Variants in CEP128 observed in about 807,000 individuals in gnomAD.
CEP128 encodes centrosomal protein 128kDa.
A neutral mutation model predicts 156.7 loss-of-function variants in CEP128; 132 were observed. That is an observed-to-expected ratio of 0.84 (90% CI 0.73 to 0.97). The LOEUF (loss-of-function observed/expected upper bound fraction) is 0.97, where lower values mean the gene tolerates loss of function less well. Among genes scored for constraint, CEP128 ranks in the 50% least tolerant of loss-of-function variants. The pLI is 0.00. For synonymous variants in CEP128, 469 were observed against 448.9 expected (o/e 1.04, Z -0.57); for missense variants, 1,252 against 1,281.9 (o/e 0.98, Z 0.36).
intron 19 of CEP128, among the ~76,000 whole-genome samples, chr14:80,712,148 T>C (rs182947226): frequency 1.3e-5 from 2 of 152,170 alleles, no homozygotes; most frequent in East Asian, 1.9e-4. Flanking sequence ...ATATGAACAC[T>C]AATGTTCGGA....
intron 21 of CEP128, among the ~76,000 whole-genome samples, chr14:80,555,858 G>A (rs1427154226): frequency 6.6e-6 from 1 of 151,966 alleles, no homozygotes; most frequent in African/African-American, 2.4e-5. Context: ...CTTCAAAATA[G>A]CTTCTGAAAA....
chr14:80,507,134 G>A lies in CEP128; in HGVS notation c.3073-2114C>T, dbSNP rs75024856. Among the ~76,000 whole-genome samples, 73 of 151,828 alleles carry A rather than the reference G, an allele frequency of 4.8e-4. No homozygotes were observed. In the East Asian group the frequency reaches 7.3e-3, roughly 15 times the overall value. ...GCCTCCCCAAAGCCAAGCAGATGCC[G>A]GTATCATGCCTGTATAGCCTGCAGA... On this transcript the variant is annotated intron_variant, in intron 23 of 24. Coordinates refer to ENST00000555265, the MANE Select transcript of CEP128 (RefSeq NM_152446.5).
chr14:80,898,615 CATGTTCCCAGTGCTTAATGT>C (rs1889454931), intron 7 of CEP128, among the ~76,000 whole-genome samples: 1 of 152,174 alleles, frequency 6.6e-6, no homozygotes, highest in Non-Finnish European at 1.5e-5. Flanking sequence ...CCCTATAACT[CATGTTCCCAGTGCTTAATGT>C]ATACCCTTCC....
chr14:80,815,030 C>A (rs888188754), intron 13 of CEP128, among the ~76,000 whole-genome samples: 1 of 152,166 alleles, frequency 6.6e-6, no homozygotes, highest in African/African-American at 2.4e-5. Flanking sequence ...TGCACTCCAG[C>A]CTTGGCAACA....
intron 9 of CEP128, among the ~76,000 whole-genome samples, chr14:80,857,645 G>T (rs1887256152): frequency 6.6e-6 from 1 of 151,634 alleles, no homozygotes; most frequent in Non-Finnish European, 1.5e-5. Context: ...GGAGGCTGAG[G>T]TGGCAGAATC....
intron 19 of CEP128, among the ~76,000 whole-genome samples, chr14:80,616,526 G>T (rs79842764): frequency 5.9e-5 from 6 of 101,698 alleles, no homozygotes; most frequent in African/African-American, 2.1e-4. Flanking sequence ...AAATTCAACT[G>T]TTTTTTTTGA....
intron 13 of CEP128, among the ~76,000 whole-genome samples, chr14:80,823,803 G>A (rs1040449661): frequency 2.0e-5 from 3 of 152,200 alleles, no homozygotes; most frequent in African/African-American, 2.4e-5. Flanking sequence ...AGTGCAAGCT[G>A]TTCATGGATC....
At chr14:80,679,517 G>C (rs1163562833) in intron 19 of CEP128, among the ~76,000 whole-genome samples, 1 of 152,110 alleles carries the variant, frequency 6.6e-6, no homozygotes, top group East Asian at 1.9e-4. Context: ...GGCTTACTAG[G>C]GTGGGGAAAA....
chr14:80,883,401 G>T (rs1286120699), intron 8 of CEP128, among the ~76,000 whole-genome samples: 1 of 151,438 alleles, frequency 6.6e-6, no homozygotes, highest in Non-Finnish European at 1.5e-5. Flanking sequence ...AAAGTTGCAG[G>T]ATACAAAATC....
intron 9 of CEP128, among the ~76,000 whole-genome samples, chr14:80,851,356 G>A (rs147078646): frequency 1.8e-4 from 27 of 152,248 alleles, no homozygotes; most frequent in Middle Eastern, 3.4e-3. Context: ...TGGAACTGAA[G>A]GGGCGATTTT....
At position 80,526,856 on chromosome 14, in the gene CEP128, T is replaced by C. The variant is rs756756439; in HGVS notation, c.3072+13A>G. 1.1e-5 allele frequency: 16 copies of C among 1,459,222 alleles called. 1 individual carries two copies. The South Asian group carries it at 1.9e-4, about 17-fold the overall frequency. 90.4% of individuals were successfully genotyped at this position (1,459,222 alleles called of 1,614,324 possible). A position where few individuals can be genotyped will look rare whatever the true frequency, so the allele number is the denominator to read the frequency against. ...ACTACTTAAAGACTAAAAAAGTATA[T>C]AAAGAAAATTACTTTGAAACTTTTG... On this transcript the variant is annotated intron_variant, in intron 23 of 24. Transcript: ENST00000555265.
chr14:80,681,639 T>C (rs1273944839), intron 19 of CEP128, among the ~76,000 whole-genome samples: 1 of 152,200 alleles, frequency 6.6e-6, no homozygotes, highest in Non-Finnish European at 1.5e-5. Context: ...AGCATTGTCA[T>C]TTCCTCTTCT....
intron 8 of CEP128, among the ~76,000 whole-genome samples, chr14:80,865,789 G>GA (rs934974086): frequency 1.1e-4 from 17 of 152,094 alleles, no homozygotes; most frequent in African/African-American, 3.6e-4. Flanking sequence ...ACATGTCAAA[G>GA]AAACAAAAGA....
At chr14:80,709,911 G>A (rs986983909) in intron 19 of CEP128, among the ~76,000 whole-genome samples, 1 of 151,254 alleles carries the variant, frequency 6.6e-6, no homozygotes, top group African/African-American at 2.4e-5. Context: ...TGGCAAATGA[G>A]TAAATTATTG....
intron 13 of CEP128, among the ~76,000 whole-genome samples, chr14:80,810,105 C>T (rs1884419744): frequency 6.6e-6 from 1 of 151,720 alleles, no homozygotes; most frequent in Non-Finnish European, 1.5e-5. Flanking sequence ...GGGAGGATCA[C>T]GAGGTCAGGA....
At chr14:80,619,632 G>A (rs999032457) in intron 19 of CEP128, among the ~76,000 whole-genome samples, 3 of 151,206 alleles carry the variant, frequency 2.0e-5, no homozygotes, top group Non-Finnish European at 4.4e-5. Context: ...AACCTGGGAG[G>A]CAGAGGTTGC....
chr14:80,881,197 G>T (rs1015664766), intron 8 of CEP128, among the ~76,000 whole-genome samples: 1 of 151,912 alleles, frequency 6.6e-6, no homozygotes, highest in Non-Finnish European at 1.5e-5. Context: ...GAAAAAAATA[G>T]AGAAGATCCA....
chr14:80,926,349 A>T (rs540863735), intron 2 of CEP128, among the ~76,000 whole-genome samples: 1 of 152,148 alleles, frequency 6.6e-6, no homozygotes, highest in Non-Finnish European at 1.5e-5. Context: ...TGCCAAGTTC[A>T]TGGGAGCTGA....
chr14:80,725,016 T>C (rs973978409), intron 19 of CEP128, among the ~76,000 whole-genome samples: 5 of 145,504 alleles, frequency 3.4e-5, no homozygotes, highest in African/African-American at 1.3e-4. Context: ...TATATACATA[T>C]ATGATATATA....
Sources: gnomAD v4.1 joint callset for allele counts (sites outside exome capture counted in the v4.1 genomes callset) on GRCh38, gnomAD v4.1.1 for gene constraint, MANE v1.5 for transcripts, NCBI Gene and HGNC (gene_info 2026-07-23, HGNC 2026-07-21) for gene names.